ESPL1: variants seen among roughly 807,000 people sequenced by gnomAD.
The protein encoded by ESPL1 is extra spindle pole bodies like 1, separase.
In ESPL1, 50 loss-of-function variants were observed where a neutral mutation model predicts 217.2. The observed-to-expected ratio is 0.23, with a 90% CI of 0.18 to 0.29. The LOEUF (loss-of-function observed/expected upper bound fraction) is 0.29, where lower values mean the gene tolerates loss of function less well. ESPL1 is among the 10% of genes least tolerant of loss of function. The probability of loss-of-function intolerance (pLI) is 1.00; values close to 1 mark genes in which losing one functional copy is unlikely to be tolerated. For synonymous variants in ESPL1, 994 were observed against 1,081.3 expected, an observed-to-expected ratio of 0.92 and a Z score of 1.58; for missense variants, 1,834 against 2,603.0, an observed-to-expected ratio of 0.70 and a Z score of 6.43.
rs777203918 is a variant in ESPL1 at position 53,286,047 on chromosome 12, C to T, written c.3311C>T (p.Pro1104Leu). 9 of 1,609,192 alleles carry T rather than the reference C, an allele frequency of 5.6e-6. No individual in the cohort carries two copies. Among genetic ancestry groups the T allele is most frequent in the Non-Finnish European group, 7.7e-6 (9 of 1,175,810 alleles). ...GAGGAGGAGCTCTTCCTAAGAGGCCCTGCTCTAGAGCTGGTGGCCACTGTG... is the reference window on the plus strand; with the variant it reads ...GAGGAGGAGCTCTTCCTAAGAGGCCTTGCTCTAGAGCTGGTGGCCACTGTG... ...LPEEELFLRG[P>L]ALELVATVAK... is the part of the protein sequence containing the mutation. The change falls in exon 18 of 31, where the codon CCT becomes CTT. Residue 1104 changes from proline to leucine, a missense_variant. Coordinates refer to ENST00000257934, the MANE Select transcript of ESPL1 (RefSeq NM_012291.5). The surrounding 1 kb of genome is among the most constrained non-coding windows in gnomAD (Gnocchi z 5.3).
At chr12:53,283,329 C>T in intron 15 of ESPL1, 53 bp from the exon 16 acceptor site, 1 of 1,611,526 alleles carries the variant, frequency 6.2e-7, no homozygotes, top group Admixed American at 1.7e-5. Context: ...GTTTTTTCTC[C>T]AGAGGATCCA....
chr12:53,291,933 T>G, intron 26 of ESPL1, 51 bp from the exon 27 acceptor site: 1 of 1,605,902 alleles, frequency 6.2e-7, no homozygotes, highest in Non-Finnish European at 8.5e-7. Context: ...CCCTTCTGAC[T>G]TCTGCATATA....
chr12:53,290,520 G>T (rs369739236), intron 24 of ESPL1, 51 bp downstream of exon 24: 4 of 1,603,034 alleles, frequency 2.5e-6, no homozygotes, highest in East Asian at 4.5e-5. Flanking sequence ...GACCCGGGGG[G>T]TCCCAGTGAC....
intron 5 of ESPL1, 79 bp from the exon 6 acceptor site, chr12:53,272,642 C>A: frequency 2.0e-6 from 3 of 1,515,748 alleles, no homozygotes; most frequent in African/African-American, 1.4e-5. Flanking sequence ...ACAGATCCAG[C>A]TGATCTCTGC....
At chr12:53,274,150 G>A (rs1943725179) in intron 6 of ESPL1, 1 of 152,252 alleles carries the variant, frequency 6.6e-6, no homozygotes, top group Admixed American at 6.6e-5. Flanking sequence ...CACCGCGCTG[G>A]GCAAGAACCA....
At chr12:53,279,000 G>A (rs1943818554) in intron 11 of ESPL1, among the ~76,000 whole-genome samples, 1 of 150,326 alleles carries the variant, frequency 6.7e-6, no homozygotes, top group Non-Finnish European at 1.5e-5. Context: ...CGATTCTCCT[G>A]GCTCACTCAG....
Position 53,293,192 on chromosome 12 carries a change from C to G in ESPL1, c.6162-81C>G. ...CATTGGTTCAATCCTCTCCACTCAC[C>G]CACCCCCACCACCAATGGTGTTTTC... On this transcript the variant is annotated intron_variant, in intron 30 of 30. Transcript: ENST00000257934. This position sits in a 1 kb window ranked among gnomAD's most constrained non-coding sequence, Gnocchi z 4.2. 8.1e-7 allele frequency: 1 copy of G among 1,239,852 alleles called. No individual in the cohort carries two copies. Among genetic ancestry groups the G allele is most frequent in the Non-Finnish European group, 1.2e-6 (1 of 846,670 alleles). 76.8% of individuals were successfully genotyped at this position (1,239,852 alleles called of 1,614,324 possible).
At chr12:53,276,975 G>T in intron 8 of ESPL1, 108 bp from the exon 9 acceptor site, 56 of 1,554,362 alleles carry the variant, frequency 3.6e-5, no homozygotes, top group Non-Finnish European at 4.8e-5. Context: ...TTGTGGCCAT[G>T]GGAGCACATG....
Position 53,288,125 on chromosome 12 carries a change from A to G in ESPL1, c.4330A>G (p.Ser1444Gly). ...GACGGATGCCGTGGTTGCCCCAGGT[A>G]GTGCCCCTGGGAACCCTGGCCTGAA... ...LKTDAVVAPG[S>G]APGNPGLNGR... The change falls in exon 19 of 31, where the codon AGT becomes GGT. Residue 1444 changes from serine (S) to glycine (G), a missense_variant. By Grantham distance (56) the Ser-to-Gly change is moderately conservative. Transcript: ENST00000257934. 6 of 1,613,712 alleles carry G rather than the reference A, an allele frequency of 3.7e-6. No homozygotes were observed. Among genetic ancestry groups the G allele is most frequent in the Non-Finnish European group, 5.1e-6 (6 of 1,179,918 alleles).
chr12:53,276,340 A>G (rs1943764962), intron 7 of ESPL1, among the ~76,000 whole-genome samples: 1 of 152,188 alleles, frequency 6.6e-6, no homozygotes, highest in African/African-American at 2.4e-5. Flanking sequence ...GAATAGCGGT[A>G]TAGGATGGGG....
chr12:53,277,625 G>T lies in ESPL1; in HGVS notation c.2224+17G>T. 1.2e-6 allele frequency: 2 copies of T among 1,613,412 alleles called. No homozygotes were observed. Among genetic ancestry groups the T allele is most frequent in the Admixed American group, 1.7e-5 (1 of 59,988 alleles). On this transcript the variant is annotated intron_variant, in intron 10 of 30. Coordinates refer to ENST00000257934, the MANE Select transcript of ESPL1 (RefSeq NM_012291.5). Reference sequence around the variant, plus strand: ...CAGATGCTGGTGAGGGGTAAATGGAGTGTGGCATGGGCATCTCCATGGCTT... The same window carrying T: ...CAGATGCTGGTGAGGGGTAAATGGATTGTGGCATGGGCATCTCCATGGCTT...
intron 3 of ESPL1, 43 bp from the exon 4 acceptor site, chr12:53,270,335 T>G: frequency 1.4e-6 from 2 of 1,408,486 alleles, no homozygotes; most frequent in East Asian, 2.3e-5. Flanking sequence ...TGGAGCCCTC[T>G]TTATCTCTAC....
chr12:53,272,130 C>T (rs1009698650), intron 5 of ESPL1, among the ~76,000 whole-genome samples: 45 of 152,020 alleles, frequency 3.0e-4, no homozygotes, highest in African/African-American at 1.1e-3. Flanking sequence ...CTGTGTGCAA[C>T]GCACTATTTG....
At chr12:53,289,997 T>C (rs1191022628) in intron 22 of ESPL1, 88 bp from the exon 23 acceptor site, 3 of 1,491,586 alleles carry the variant, frequency 2.0e-6, no homozygotes, top group African/African-American at 2.8e-5. Flanking sequence ...TGATGCTGGC[T>C]TGAGTGATGG....
Position 53,288,644 on chromosome 12 carries a change from G to A in ESPL1, c.4653G>A (p.Glu1551=), listed in dbSNP as rs1171489537. Residue 1551 remains glutamate (E), a synonymous_variant, in exon 20 of 31, where the codon GAG becomes GAA. Coordinates refer to ENST00000257934, the MANE Select transcript of ESPL1 (RefSeq NM_012291.5). ...TGCCCAGCCCATGCCCAGACAAGGA[G>A]AGTGACAAGGACCTTGGTCCTCGGC... is the stretch of plus-strand genomic sequence containing the variant. ...KKLPSPCPDK[E]SDKDLGPRLR... The A allele has an allele frequency of 6.2e-7, 1 of 1,613,870 alleles. No individual in the cohort carries two copies. Among genetic ancestry groups the A allele is most frequent in the African/African-American group, 1.3e-5 (1 of 74,924 alleles).
rs12831238 is a variant in ESPL1 at position 53,282,002 on chromosome 12, C to T, written c.2620-262C>T. Reference sequence around the variant, plus strand: ...CTTCTACCTTCTCATGCTCTAGTTTCTTCTCTACGTTTTTATCATTCCTAA... The same window carrying T: ...CTTCTACCTTCTCATGCTCTAGTTTTTTCTCTACGTTTTTATCATTCCTAA... On this transcript the variant is annotated intron_variant, in intron 13 of 30. Transcript: ENST00000257934. The surrounding 1 kb of genome is among the most constrained non-coding windows in gnomAD (Gnocchi z 4.0). Among the ~76,000 whole-genome samples, 1 of 152,148 alleles carries T rather than the reference C, an allele frequency of 6.6e-6. No homozygotes were observed. Among genetic ancestry groups the T allele is most frequent in the Non-Finnish European group, 1.5e-5 (1 of 68,022 alleles).
Position 53,269,866 on chromosome 12 carries a change from T to A in ESPL1, c.924T>A (p.Pro308=). ...VKLLQVGEEG[P]QAVAKLLIKA... is the part of the protein sequence containing the mutation. ...TGCTGCAGGTTGGGGAGGAAGGACC[T>A]CAGGCAGTGGCCAAGCTTCTGATCA... Residue 308 remains proline (P), a synonymous_variant, in exon 3 of 31, where the codon CCT becomes CCA. Transcript: ENST00000257934. The surrounding 1 kb of genome is among the most constrained non-coding windows in gnomAD (Gnocchi z 6.7). 2 of 1,614,210 alleles carry A rather than the reference T, an allele frequency of 1.2e-6. No individual in the cohort carries two copies. Among genetic ancestry groups the A allele is most frequent in the African/African-American group, 1.3e-5 (1 of 75,046 alleles).
intron 1 of ESPL1, 165 bp downstream of exon 1, chr12:53,268,542 G>A (rs1943608693): frequency 1.8e-6 from 1 of 543,496 alleles, no homozygotes; most frequent in Non-Finnish European, 3.3e-6. Flanking sequence ...GGGTAGCGCG[G>A]CGAGTGGTGT....
chr12:53,284,551 C>T (rs1377905435), intron 17 of ESPL1, among the ~76,000 whole-genome samples: 3 of 151,780 alleles, frequency 2.0e-5, no homozygotes, highest in East Asian at 3.9e-4. Context: ...CCACCGCTCC[C>T]GGCCTTTGTT....
Sources: gnomAD v4.1 joint callset for allele counts (sites outside exome capture counted in the v4.1 genomes callset) on GRCh38, gnomAD v4.1.1 for gene constraint, Gnocchi (gnomAD v3.1) non-coding constraint, MANE v1.5 for transcripts, NCBI Gene and HGNC (gene_info 2026-07-23, HGNC 2026-07-21) for gene names.